Variants in ROBO1 observed in about 807,000 individuals in gnomAD.
ROBO1 encodes the protein roundabout guidance receptor 1, also known as roundabout homolog 1.
Under a neutral mutation model 195.9 loss-of-function variants are expected in ROBO1, and 149 were observed. The observed-to-expected ratio is 0.76, with a 90% CI of 0.67 to 0.87. The LOEUF is 0.87. Among genes scored for constraint, ROBO1 ranks in the 40% least tolerant of loss-of-function variants. The probability of loss-of-function intolerance (pLI) is 0.00; values close to 1 mark genes in which losing one functional copy is unlikely to be tolerated. For synonymous variants in ROBO1, 816 were observed against 733.2 expected (o/e 1.11, Z -1.82); for missense variants, 1,933 against 2,068.3 (o/e 0.93, Z 1.27).
chr3:79,476,555 A>T (rs1288727513), intron 2 of ROBO1, among the ~76,000 whole-genome samples: 1 of 152,106 alleles, frequency 6.6e-6, no homozygotes, highest in Non-Finnish European at 1.5e-5. Context: ...TGGTGTATAT[A>T]TATATACCAT....
At chr3:79,537,306 T>C (rs1158947999) in intron 2 of ROBO1, among the ~76,000 whole-genome samples, 1 of 152,062 alleles carries the variant, frequency 6.6e-6, no homozygotes, top group Non-Finnish European at 1.5e-5. Flanking sequence ...ACAAATCGTT[T>C]ATTTGGAAGG....
At chr3:79,688,231 A>AG (rs1188973310) in intron 1 of ROBO1, among the ~76,000 whole-genome samples, 3 of 75,874 alleles carry the variant, frequency 4.0e-5, no homozygotes, top group Non-Finnish European at 7.2e-5. Flanking sequence ...GGGTGGGGGG[A>AG]GGGGGGAGGG....
chr3:78,604,056 ATATT>A (rs546399622), intron 29 of ROBO1, among the ~76,000 whole-genome samples: 362 of 151,588 alleles, frequency 2.4e-3, no homozygotes, highest in African/African-American at 8.1e-3. Flanking sequence ...ATTTTTTAAA[ATATT>A]TATTTATTTA....
At chr3:79,483,215 G>A (rs1034283805) in intron 2 of ROBO1, among the ~76,000 whole-genome samples, 17 of 152,156 alleles carry the variant, frequency 1.1e-4, no homozygotes, top group Admixed American at 3.9e-4. Flanking sequence ...GAGACATTGT[G>A]AAAAATGGCA....
chr3:79,146,408 T>C (rs1410331774), intron 2 of ROBO1, among the ~76,000 whole-genome samples: 3 of 152,042 alleles, frequency 2.0e-5, no homozygotes, highest in African/African-American at 7.2e-5. Flanking sequence ...GTCATTTTTG[T>C]GAACATAACT....
At position 78,881,076 on chromosome 3, in the gene ROBO1, C is replaced by T. The variant is rs143415650; in HGVS notation, c.499+57525G>A. On this transcript the variant is annotated intron_variant, in intron 4 of 30. Coordinates refer to ENST00000464233, the MANE Select transcript of ROBO1 (RefSeq NM_002941.4). Reference sequence around the variant, plus strand: ...AACAATTTCATATTGTCAACAGATGCGGGGATGCTGCTTATTCAGCTCAGT... The same window carrying T: ...AACAATTTCATATTGTCAACAGATGTGGGGATGCTGCTTATTCAGCTCAGT... Among the ~76,000 whole-genome samples, 642 of 152,248 alleles carry T rather than the reference C, an allele frequency of 4.2e-3. 4 individuals carry two copies. Among genetic ancestry groups the T allele is most frequent in the African/African-American group, 0.014 (561 of 41,540 alleles).
At chr3:79,485,992 T>C (rs938294862) in intron 2 of ROBO1, among the ~76,000 whole-genome samples, 2 of 152,338 alleles carry the variant, frequency 1.3e-5, no homozygotes, top group East Asian at 1.9e-4. Flanking sequence ...GCCTTATGTA[T>C]AGACTTTGGA....
chr3:79,067,728 TA>T (rs2079026495), intron 3 of ROBO1, among the ~76,000 whole-genome samples: 1 of 151,996 alleles, frequency 6.6e-6, no homozygotes, highest in Non-Finnish European at 1.5e-5. Flanking sequence ...CAAATTAAAC[TA>T]AAACTTAGCA....
At chr3:79,591,229 ACACT>A (rs1943991062) in intron 1 of ROBO1, among the ~76,000 whole-genome samples, 2 of 151,980 alleles carry the variant, frequency 1.3e-5, no homozygotes, top group Middle Eastern at 3.4e-3. Flanking sequence ...TATTTTTGTG[ACACT>A]CAGAATAACA....
chr3:79,016,601 C>T (rs1406564890), intron 3 of ROBO1, among the ~76,000 whole-genome samples: 2 of 152,144 alleles, frequency 1.3e-5, no homozygotes, highest in Non-Finnish European at 2.9e-5. Context: ...GACAGAACTT[C>T]CAAGTTGACA....
intron 8 of ROBO1, 84 bp from the exon 9 acceptor site, chr3:78,688,856 T>C (rs904359939): frequency 3.0e-6 from 4 of 1,332,780 alleles, no homozygotes; most frequent in Non-Finnish European, 4.0e-6. Context: ...TTCTAAGTGC[T>C]GCTGTTATTT....
chr3:78,954,627 A>AT (rs1018818048), intron 3 of ROBO1, among the ~76,000 whole-genome samples: 39 of 151,914 alleles, frequency 2.6e-4, no homozygotes, highest in African/African-American at 7.7e-4. Context: ...TGGTCCCAGG[A>AT]TTTTTTTTAT....
At chr3:79,566,910 A>T (rs1943108285) in intron 2 of ROBO1, among the ~76,000 whole-genome samples, 1 of 152,094 alleles carries the variant, frequency 6.6e-6, no homozygotes, top group Admixed American at 6.6e-5. Flanking sequence ...ATACCGTTCA[A>T]CCCGGCAATC....
chr3:79,364,247 TATATAC>T (rs2035880981), intron 2 of ROBO1, among the ~76,000 whole-genome samples: 1 of 147,208 alleles, frequency 6.8e-6, no homozygotes, highest in Non-Finnish European at 1.5e-5. Context: ...TATATATATA[TATATAC>T]ATATATATAC....
At chr3:78,664,923 T>G (rs74912713) in intron 14 of ROBO1, among the ~76,000 whole-genome samples, 3,453 of 152,280 alleles carry the variant, frequency 0.023, 128 homozygotes, top group African/African-American at 0.077. Context: ...AGGCAAGATA[T>G]GTGCCTCAAT....
rs191697939 is a variant in ROBO1 at position 79,176,483 on chromosome 3, A to C, written c.89-50944T>G. On this transcript the variant is annotated intron_variant, in intron 2 of 30. Transcript: ENST00000464233. ...TTATTACTATTATTATTTGAGATGG[A>C]ATCTCTCTCTGTCACCCAGGCTGGG... Among the ~76,000 whole-genome samples, 3 of 152,230 alleles carry C rather than the reference A, an allele frequency of 2.0e-5. No homozygotes were observed. In the East Asian group the frequency reaches 5.8e-4, roughly 29 times the overall value.
chr3:78,860,349 G>T (rs1345653395), intron 4 of ROBO1, among the ~76,000 whole-genome samples: 1 of 112,758 alleles, frequency 8.9e-6, no homozygotes, highest in African/African-American at 3.9e-5. Flanking sequence ...TACTCATAAG[G>T]TGTTTCTAGT....
intron 2 of ROBO1, among the ~76,000 whole-genome samples, chr3:79,394,784 G>T (rs766467922): frequency 1.4e-4 from 22 of 152,098 alleles, no homozygotes; most frequent in Non-Finnish European, 8.8e-5. Context: ...AGGTACTAGT[G>T]AGTGTTAAAA....
intron 2 of ROBO1, among the ~76,000 whole-genome samples, chr3:79,536,951 T>G (rs1941892045): frequency 6.6e-6 from 1 of 152,146 alleles, no homozygotes; most frequent in Admixed American, 6.5e-5. Context: ...GTGAATCTAT[T>G]TAAGCATTTT....
Sources: gnomAD v4.1 joint callset for allele counts (sites outside exome capture counted in the v4.1 genomes callset) on GRCh38, gnomAD v4.1.1 for gene constraint, MANE v1.5 for transcripts, NCBI Gene and HGNC (gene_info 2026-07-23, HGNC 2026-07-21) for gene names.